Variants in DCUN1D1 observed in about 807,000 individuals in gnomAD.
DCUN1D1 encodes the protein defective in cullin neddylation 1 domain containing 1, also known as DCN1-like protein 1.
In DCUN1D1, 3 loss-of-function variants were observed where a neutral mutation model predicts 39.0. The observed-to-expected ratio is 0.08, with a 90% CI of 0.04 to 0.20. DCUN1D1 has a LOEUF of 0.20. DCUN1D1 is among the 10% of genes least tolerant of loss of function. DCUN1D1 has a pLI of 1.00. For missense variants in DCUN1D1, 158 were observed against 302.4 expected, an observed-to-expected ratio of 0.52 and a Z score of 3.54; for synonymous variants, 82 against 96.3, an observed-to-expected ratio of 0.85 and a Z score of 0.87.
At chr3:182,950,871 T>C (rs1339883564) in intron 4 of DCUN1D1, 1 of 151,648 alleles carries the variant, frequency 6.6e-6, no homozygotes, top group Non-Finnish European at 1.5e-5. Context: ...GCCGGCACGA[T>C]GGTGGGCACT....
At position 182,941,892 on chromosome 3, in the gene DCUN1D1, A is replaced by C. The variant is rs1273485156; in HGVS notation, c.*3202T>G. On this transcript the variant is annotated 3_prime_UTR_variant, in exon 7 of 7. Transcript: ENST00000292782. ...AAATTACAGAAGGTTTACAATACGTAGTCTTAATAGTAACATGTTTAAAAA... is the reference window on the plus strand; with the variant it reads ...AAATTACAGAAGGTTTACAATACGTCGTCTTAATAGTAACATGTTTAAAAA... 1.3e-5 allele frequency: 2 copies of C among 152,158 alleles called. No homozygotes were observed. The highest frequency in any genetic ancestry group is 2.9e-5 in the Non-Finnish European group (2 of 67,992). 9.4% of individuals were successfully genotyped at this position (152,158 alleles called of 1,614,324 possible). A position where few individuals can be genotyped will look rare whatever the true frequency, so the allele number is the denominator to read the frequency against.
intron 6 of DCUN1D1, among the ~76,000 whole-genome samples, chr3:182,946,513 C>T (rs1190965027): frequency 4.2e-5 from 6 of 141,964 alleles, no homozygotes; most frequent in African/African-American, 1.0e-4. Context: ...GCTGAGACTG[C>T]GCCACTGCAC....
intron 4 of DCUN1D1, 115 bp downstream of exon 4, chr3:182,961,111 A>G: frequency 1.3e-6 from 1 of 755,834 alleles, no homozygotes; most frequent in East Asian, 2.8e-5. Flanking sequence ...CTTTTCAATA[A>G]CTGGTATTTT....
At chr3:182,961,387 T>C in intron 3 of DCUN1D1, 31 bp from the exon 4 acceptor site, 2 of 1,545,430 alleles carry the variant, frequency 1.3e-6, no homozygotes, top group African/African-American at 2.8e-5. Context: ...TATAAAAGAT[T>C]AACTGTTTCA....
chr3:182,958,901 T>C (rs928657456), intron 4 of DCUN1D1, among the ~76,000 whole-genome samples: 2 of 152,208 alleles, frequency 1.3e-5, no homozygotes, highest in Non-Finnish European at 2.9e-5. Context: ...ACACCATTTA[T>C]TTTGTGCTCC....
At chr3:182,978,448 C>G (rs909190433) in intron 1 of DCUN1D1, among the ~76,000 whole-genome samples, 2 of 152,128 alleles carry the variant, frequency 1.3e-5, no homozygotes, top group East Asian at 3.9e-4. Context: ...AGTGGCAGGG[C>G]TCACAGCAGC....
upstream of DCUN1D1, among the ~76,000 whole-genome samples, chr3:182,984,345 AT>A (rs1411200437): frequency 6.6e-6 from 1 of 152,216 alleles, no homozygotes; most frequent in Non-Finnish European, 1.5e-5. Flanking sequence ...TGTCCTGATT[AT>A]TTTTTAAATG....
rs1385335548 is a variant in DCUN1D1, at chr3:182,944,322, G to A, written c.*772C>T. The A allele has an allele frequency of 1.3e-5, 2 of 152,600 alleles. No homozygotes were observed. The highest frequency in any genetic ancestry group is 2.4e-5 in the African/African-American group (1 of 41,432). 9.5% of individuals were successfully genotyped at this position (152,600 alleles called of 1,614,324 possible). A position where few individuals can be genotyped will look rare whatever the true frequency, so the allele number is the denominator to read the frequency against. On this transcript the variant is annotated 3_prime_UTR_variant, in exon 7 of 7. Transcript: ENST00000292782. ...TATGTAGTGCATAATGTAGACAGGA[G>A]AAGAATCTAACATTATGCAGACATT...
Position 182,943,069 on chromosome 3 carries a change from C to G in DCUN1D1, c.*2025G>C, listed in dbSNP as rs1442307438. On this transcript the variant is annotated 3_prime_UTR_variant, in exon 7 of 7. Transcript: ENST00000292782. The stretch of plus-strand genomic sequence containing the variant: ...AGAAAAATATGTAAAATCCAAGGCA[C>G]TAGGCCACGAACCAATATGACTTTT... 7.2e-6 allele frequency: 1 copy of G among 137,990 alleles called. No individual in the cohort carries two copies. The highest frequency in any genetic ancestry group is 2.1e-4 in the East Asian group (1 of 4,654). 8.5% of individuals were successfully genotyped at this position (137,990 alleles called of 1,614,324 possible).
intron 4 of DCUN1D1, 59 bp downstream of exon 4, chr3:182,961,167 C>A: frequency 8.6e-7 from 1 of 1,166,130 alleles, no homozygotes; most frequent in Non-Finnish European, 1.2e-6. Flanking sequence ...ACAAAAACGA[C>A]ACTGTCAATG....
chr3:182,944,580 A>G lies in DCUN1D1; in HGVS notation c.*514T>C, dbSNP rs370347804. On this transcript the variant is annotated 3_prime_UTR_variant, in exon 7 of 7. Coordinates refer to ENST00000292782, the MANE Select transcript of DCUN1D1 (RefSeq NM_020640.4). ...CCAGGAAAAAAAAAAAATTCCCCCC[A>G]AACCAAAACACCATTCCAGATCCAG... 1.3e-5 allele frequency: 2 copies of G among 152,648 alleles called. No individual in the cohort carries two copies. The highest frequency in any genetic ancestry group is 4.8e-5 in the African/African-American group (2 of 41,534). 9.5% of individuals were successfully genotyped at this position (152,648 alleles called of 1,614,324 possible).
chr3:182,948,930 C>A lies in DCUN1D1; in HGVS notation c.521-1298G>T, dbSNP rs935507215. Among the ~76,000 whole-genome samples, 96 of 151,540 alleles carry A rather than the reference C, an allele frequency of 6.3e-4. 1 individual carries two copies. The highest frequency in any genetic ancestry group is 3.1e-3 in the South Asian group (15 of 4,796). ...GGGCATAGTGGCGGGCACCTGTAAT[C>A]CCAGCTACTCGGGAGGCTGAGACTA... On this transcript the variant is annotated intron_variant, in intron 4 of 6. Coordinates refer to ENST00000292782, the MANE Select transcript of DCUN1D1 (RefSeq NM_020640.4).
rs1726939425 is a variant in DCUN1D1, at chr3:182,954,721, G to A, written c.520+6505C>T. Reference sequence around the variant, plus strand: ...GAATGCTGCTTCTGCTTTTTAACATGCAAACATAAGTATGAGGCTTTTGCT... The same window carrying A: ...GAATGCTGCTTCTGCTTTTTAACATACAAACATAAGTATGAGGCTTTTGCT... On this transcript the variant is annotated intron_variant, in intron 4 of 6. Coordinates refer to ENST00000292782, the MANE Select transcript of DCUN1D1 (RefSeq NM_020640.4). Among the ~76,000 whole-genome samples the A allele has an allele frequency of 1.3e-5, 2 of 152,096 alleles. 1 individual carries two copies. Among genetic ancestry groups the A allele is most frequent in the South Asian group, 4.1e-4 (2 of 4,826 alleles).
At chr3:182,949,331 C>A (rs761871925) in intron 4 of DCUN1D1, among the ~76,000 whole-genome samples, 18 of 152,162 alleles carry the variant, frequency 1.2e-4, no homozygotes, top group Non-Finnish European at 2.5e-4. Context: ...CCACTGCACT[C>A]CAGCCTGGGC....
At chr3:182,975,458 G>C (rs1577200600) in intron 1 of DCUN1D1, among the ~76,000 whole-genome samples, 1 of 151,902 alleles carries the variant, frequency 6.6e-6, no homozygotes, top group African/African-American at 2.4e-5. Flanking sequence ...TTACAGGTGT[G>C]AGCCACCGCG....
In DCUN1D1 at chr3:182,949,710, A is replaced by G. The variant is rs574940811; in HGVS notation, c.521-2078T>C. 8.1e-4 allele frequency among the ~76,000 whole-genome samples: 124 copies of G among 152,192 alleles called. 1 individual carries two copies. Among genetic ancestry groups the G allele is most frequent in the Admixed American group, 4.6e-3 (71 of 15,292 alleles). ...CACTCCAGCCTGGGTGACAGGTGAC[A>G]TCTCTTAAAAACAAACAACACAACA... is the stretch of plus-strand genomic sequence containing the variant. On this transcript the variant is annotated intron_variant, in intron 4 of 6. Transcript: ENST00000292782.
chr3:182,966,398 T>C (rs986162259), intron 1 of DCUN1D1, among the ~76,000 whole-genome samples: 1 of 152,138 alleles, frequency 6.6e-6, no homozygotes, highest in Non-Finnish European at 1.5e-5. Context: ...AATTTCCTCA[T>C]ATCCTATCAA....
intron 1 of DCUN1D1, among the ~76,000 whole-genome samples, chr3:182,968,397 A>C (rs1319594084): frequency 6.6e-6 from 1 of 152,148 alleles, no homozygotes; most frequent in African/African-American, 2.4e-5. Flanking sequence ...ATCATAGCTT[A>C]AGTCATTTCT....
At chr3:182,957,534 G>C (rs1355001140) in intron 4 of DCUN1D1, among the ~76,000 whole-genome samples, 1 of 152,064 alleles carries the variant, frequency 6.6e-6, no homozygotes, top group Non-Finnish European at 1.5e-5. Context: ...GCAGAGGCAG[G>C]AGGATCACTT....
Sources: allele counts gnomAD v4.1 joint callset (sites outside exome capture counted in the v4.1 genomes callset), GRCh38; gene constraint gnomAD v4.1.1; transcripts MANE v1.5; gene names NCBI Gene and HGNC (gene_info 2026-07-23, HGNC 2026-07-21).